SLC39A6: variants seen among roughly 807,000 people sequenced by gnomAD.
The protein encoded by SLC39A6 is solute carrier family 39 member 6, also known as zinc transporter ZIP6.
A neutral mutation model predicts 63.5 loss-of-function variants in SLC39A6; 51 were observed. That is an observed-to-expected ratio of 0.80 (90% confidence interval 0.64 to 1.01). The LOEUF is 1.01. SLC39A6 is among the 50% of genes least tolerant of loss of function. SLC39A6 has a pLI of 0.00. For missense variants in SLC39A6, 805 were observed against 927.8 expected (o/e 0.87, Z 1.72); for synonymous variants, 318 against 324.7 (o/e 0.98, Z 0.22).
chr18:36,117,729 A>G (rs1386813332), intron 5 of SLC39A6, among the ~76,000 whole-genome samples: 1 of 152,216 alleles, frequency 6.6e-6, no homozygotes, highest in African/African-American at 2.4e-5. Context: ...TTAGATTTTA[A>G]GAGCTTTTAA....
intron 4 of SLC39A6, among the ~76,000 whole-genome samples, chr18:36,122,502 TATAA>T (rs1299249553): frequency 2.6e-5 from 4 of 152,180 alleles, no homozygotes; most frequent in African/African-American, 9.7e-5. Context: ...CCCCATAATA[TATAA>T]ATAGTGAGCA....
intron 6 of SLC39A6, 130 bp from the exon 7 acceptor site, chr18:36,114,604 C>A (rs565398731): frequency 3.3e-6 from 2 of 613,276 alleles, no homozygotes; most frequent in African/African-American, 1.8e-5. Context: ...ATCTGCAGAA[C>A]TAAATATTAA....
chr18:36,125,119 C>G (rs1348388169), intron 2 of SLC39A6, among the ~76,000 whole-genome samples: 1 of 152,096 alleles, frequency 6.6e-6, no homozygotes, highest in African/African-American at 2.4e-5. Flanking sequence ...CCAAGACATG[C>G]CTCTCTTCTA....
At chr18:36,123,689 A>C in intron 3 of SLC39A6, 25 bp from the exon 4 acceptor site, 1 of 1,575,042 alleles carries the variant, frequency 6.3e-7, no homozygotes, top group South Asian at 1.2e-5. Context: ...AAAACAGAGC[A>C]AAGAAAAATT....
At chr18:36,111,036 A>G in intron 9 of SLC39A6, 23 bp downstream of exon 9, 1 of 1,612,758 alleles carries the variant, frequency 6.2e-7, no homozygotes, top group East Asian at 2.2e-5. Flanking sequence ...TCAATAATGT[A>G]ATAAGACTTC....
In SLC39A6 at chr18:36,122,142, C is replaced by T. The variant is rs138870151; in HGVS notation, c.1269G>A (p.Lys423=). ...ACAGGCCTCCTAGAGCTGTTAGACC[C>T]TTCCACGTGGAATCAAAATAGGCAC... ...EESAYFDSTW[K]GLTALGGLYF... is the part of the protein sequence containing the mutation. Residue 423 remains lysine (K), a synonymous_variant, in exon 5 of 10, where the codon AAG becomes AAA. Coordinates refer to ENST00000269187, the MANE Select transcript of SLC39A6 (RefSeq NM_012319.4). 3.0e-4 allele frequency: 479 copies of T among 1,613,974 alleles called. 1 individual carries two copies. In the African/African-American group the frequency reaches 5.6e-3, roughly 19 times the overall value.
rs775777218 is a variant in SLC39A6 at position 36,126,618 on chromosome 18, A to G, written c.390T>C (p.Ser130=). The G allele has an allele frequency of 9.9e-6, 16 of 1,614,020 alleles. No individual in the cohort carries two copies. The highest frequency in any genetic ancestry group is 5.0e-5 in the Admixed American group (3 of 59,998). ...TACCAGAAGCAGCATGATTATGGTG[A>G]GAGTGATGATCATGGTCAGAGTGAT... is the stretch of plus-strand genomic sequence containing the variant. ...HEHHSDHDHH[S]HHNHAASGKN... Residue 130 remains serine (S), a synonymous_variant, in exon 2 of 10, where the codon TCT becomes TCC. Transcript: ENST00000269187.
At position 36,126,238 on chromosome 18, in the gene SLC39A6, G is replaced by C; in HGVS notation, c.770C>G (p.Thr257Arg). Reference sequence around the variant, plus strand: ...TCTTACCTCCTGAGGATTTTCATTTGTGTTTCTGGAATACATAAAGCCTTT... The same window carrying C: ...TCTTACCTCCTGAGGATTTTCATTTCTGTTTCTGGAATACATAAAGCCTTT... ...PRKGFMYSRN[T>R]NENPQECFNA... Residue 257 changes from threonine (T) to arginine (R), a missense_variant, in exon 2 of 10, where the codon ACA becomes AGA. Thr to Arg is a moderately conservative substitution (Grantham distance 71). Coordinates refer to ENST00000269187, the MANE Select transcript of SLC39A6 (RefSeq NM_012319.4). 6.2e-7 allele frequency: 1 copy of C among 1,613,816 alleles called. No homozygotes were observed. Among genetic ancestry groups the C allele is most frequent in the Non-Finnish European group, 8.5e-7 (1 of 1,179,860 alleles).
Position 36,126,247 on chromosome 18 carries a change from G to C in SLC39A6, c.761C>G (p.Ser254Cys). 6.2e-7 allele frequency: 1 copy of C among 1,614,062 alleles called. No individual in the cohort carries two copies. The highest frequency in any genetic ancestry group is 8.5e-7 in the Non-Finnish European group (1 of 1,179,984). ...VSEPRKGFMY[S>C]RNTNENPQEC... ...CTGAGGATTTTCATTTGTGTTTCTG[G>C]AATACATAAAGCCTTTTCGGGGCTC... Residue 254 changes from serine (S) to cysteine (C), a missense_variant, in exon 2 of 10, where the codon TCC becomes TGC. Ser to Cys is a moderately radical substitution (Grantham distance 112). Transcript: ENST00000269187.
chr18:36,119,947 A>C (rs8095604), intron 5 of SLC39A6, among the ~76,000 whole-genome samples: 2,443 of 152,256 alleles, frequency 0.016, 66 homozygotes, highest in African/African-American at 0.056. Flanking sequence ...TAAAATTTGG[A>C]AATGAAATTG....
chr18:36,115,439 C>T (rs1010550794), intron 6 of SLC39A6, among the ~76,000 whole-genome samples: 11 of 131,526 alleles, frequency 8.4e-5, no homozygotes, highest in Admixed American at 2.4e-4. Flanking sequence ...GAGACTCCGT[C>T]TCAAAAAAAA....
intron 9 of SLC39A6, 163 bp downstream of exon 9, chr18:36,110,896 T>A: frequency 1.7e-6 from 2 of 1,193,924 alleles, no homozygotes; most frequent in Non-Finnish European, 2.3e-6. Context: ...GAGGCTGAGA[T>A]GGAAGGATCA....
intron 6 of SLC39A6, among the ~76,000 whole-genome samples, chr18:36,115,442 A>C (rs78010100): frequency 4.6e-5 from 5 of 109,846 alleles, no homozygotes; most frequent in Admixed American, 2.8e-4. Flanking sequence ...ACTCCGTCTC[A>C]AAAAAAAAAA....
chr18:36,124,392 G>A, intron 3 of SLC39A6, 128 bp downstream of exon 3: 1 of 537,036 alleles, frequency 1.9e-6, no homozygotes, highest in Non-Finnish European at 3.1e-6. Context: ...CACATTCAAG[G>A]CAAAGAACAA....
rs778958936 is a variant in SLC39A6 at position 36,126,493 on chromosome 18, G to T, written c.515C>A (p.Ala172Asp). 1.2e-6 allele frequency: 2 copies of T among 1,614,210 alleles called. No individual in the cohort carries two copies. The highest frequency in any genetic ancestry group is 1.7e-6 in the Non-Finnish European group (2 of 1,180,034). ...QGKGAHRPEH[A>D]SGRRNVKDSV... ...GTCCTTGACATTCCTTCTACCACTG[G>T]CATGTTCTGGTCGGTGAGCTCCTTT... is the stretch of plus-strand genomic sequence containing the variant. The change falls in exon 2 of 10, where the codon GCC (alanine) becomes GAC (aspartate). Residue 172 changes from alanine (A) to aspartate (D), a missense_variant. Ala to Asp is a moderately radical substitution (Grantham distance 126). Transcript: ENST00000269187.
At position 36,126,794 on chromosome 18, in the gene SLC39A6, C is replaced by T; in HGVS notation, c.214G>A (p.Val72Ile). The T allele has an allele frequency of 1.9e-6, 3 of 1,614,224 alleles. No individual in the cohort carries two copies. The highest frequency in any genetic ancestry group is 2.5e-6 in the Non-Finnish European group (3 of 1,180,038). Residue 72 changes from valine to isoleucine, a missense_variant, in exon 2 of 10, where the codon GTT becomes ATT. Transcript: ENST00000269187. Reference sequence around the variant, plus strand: ...TGAAGTAATTTTCTGAACCCTTCAACTGACAAAGAATTATTTTCTCCATAG... The same window carrying T: ...TGAAGTAATTTTCTGAACCCTTCAATTGACAAAGAATTATTTTCTCCATAG... ...YRYGENNSLS[V>I]EGFRKLLQNI...
Position 36,124,502 on chromosome 18 carries a change from TA to T in SLC39A6, c.970+17del. ...TGAATCTACTGAAATTGTTTTTACA[TA>T]AAAAAGGCAATTTTACCTATTTGTA... On this transcript the variant is annotated intron_variant, in intron 3 of 9. Transcript: ENST00000269187. 6.7e-7 allele frequency: 1 copy of T among 1,498,328 alleles called. No individual in the cohort carries two copies. Among genetic ancestry groups the T allele is most frequent in the Non-Finnish European group, 9.1e-7 (1 of 1,101,818 alleles). 92.8% of individuals were successfully genotyped at this position (1,498,328 alleles called of 1,614,324 possible).
At chr18:36,113,258 C>T (rs2089315976) in intron 7 of SLC39A6, among the ~76,000 whole-genome samples, 1 of 151,598 alleles carries the variant, frequency 6.6e-6, no homozygotes, top group South Asian at 2.1e-4. Flanking sequence ...CCATACCTGG[C>T]TAATTTTTTT....
At position 36,111,189 on chromosome 18, in the gene SLC39A6, G is replaced by A; in HGVS notation, c.1985C>T (p.Ala662Val). Residue 662 changes from alanine (A) to valine (V), a missense_variant, in exon 9 of 10, where the codon GCA becomes GTA. Physicochemically the swap from Ala to Val is moderately conservative, Grantham distance 64. This residue lies in a region of SLC39A6 where 145 missense variants were observed against 227.2 expected (regional missense o/e 0.64). Coordinates refer to ENST00000269187, the MANE Select transcript of SLC39A6 (RefSeq NM_012319.4). ...MTVKQAVLYNALSAMLAYLGM... is the reference protein window; with the variant it reads ...MTVKQAVLYNVLSAMLAYLGM... ...AAGATACGCCAGCATGGCTGACAAT[G>A]CATTATAAAGGACAGCCTGCTTAAC... 1.2e-6 allele frequency: 2 copies of A among 1,613,872 alleles called. No individual in the cohort carries two copies. Among genetic ancestry groups the A allele is most frequent in the Non-Finnish European group, 1.7e-6 (2 of 1,179,750 alleles).
Sources: allele counts gnomAD v4.1 joint callset (sites outside exome capture counted in the v4.1 genomes callset), GRCh38; gene constraint gnomAD v4.1.1; regional missense constraint gnomAD v4.1.1; transcripts MANE v1.5; gene names NCBI Gene and HGNC (gene_info 2026-07-23, HGNC 2026-07-21).